The following CDCA7L variants were observed in gnomAD, a reference collection of about 807,000 sequenced individuals.
CDCA7L encodes cell division cycle-associated 7-like protein.
In CDCA7L, 44 loss-of-function variants were observed where a neutral mutation model predicts 57.4. The ratio of observed to expected loss-of-function variants is 0.77; its 90% CI spans 0.60 to 0.98. The LOEUF (loss-of-function observed/expected upper bound fraction) is 0.98, where lower values mean the gene tolerates loss of function less well. Ranked by LOEUF, CDCA7L falls within the 50% of genes least tolerant of loss-of-function variation. The probability of loss-of-function intolerance (pLI) is 0.00; values close to 1 mark genes in which losing one functional copy is unlikely to be tolerated. For synonymous variants in CDCA7L, 236 were observed against 202.8 expected (o/e 1.16, Z -1.39); for missense variants, 644 against 580.6 (o/e 1.11, Z -1.12).
At chr7:21,921,257 G>A (rs4421271) in intron 1 of CDCA7L, among the ~76,000 whole-genome samples, 148,347 of 151,334 alleles carry the variant, frequency 0.98, 72,785 homozygotes, top group East Asian at 1. Context: ...TCAAAAAAAC[G>A]GTGTGCATTC....
Position 21,900,908 on chromosome 7 carries a change from A to ACCAGAATGTTGAATGTTTAT in CDCA7L, c.*1394_*1413dup. The ACCAGAATGTTGAATGTTTAT allele has an allele frequency of 6.8e-7, 1 of 1,477,786 alleles. No homozygotes were observed. The highest frequency in any genetic ancestry group is 1.4e-5 in the African/African-American group (1 of 69,736). 91.5% of individuals were successfully genotyped at this position (1,477,786 alleles called of 1,614,324 possible). ...CACTGACAAGCAAAAATATGACAAA[A>ACCAGAATGTTGAATGTTTAT]CCAGAATGTTGAATGTTTATTGCAT... On this transcript the variant is annotated 3_prime_UTR_variant, in exon 10 of 10. Coordinates refer to ENST00000406877, the MANE Select transcript of CDCA7L (RefSeq NM_018719.5).
rs760707123 is a variant in CDCA7L, at chr7:21,908,275, A to G, written c.536T>C (p.Ile179Thr). ...TCTACAGTCTTTCTTTCTTTCAAGA[A>G]TTGTTTTTTTCTCATTCTGTAAGCG... ...SARLQNEKKTILERKKDCRQV... is the reference protein window; with the variant it reads ...SARLQNEKKTTLERKKDCRQV... The change falls in exon 4 of 10, where the codon ATT becomes ACT. Residue 179 changes from isoleucine (I) to threonine (T), a missense_variant. Coordinates refer to ENST00000406877, the MANE Select transcript of CDCA7L (RefSeq NM_018719.5). The G allele has an allele frequency of 5.0e-6, 8 of 1,613,334 alleles. No individual in the cohort carries two copies. The highest frequency in any genetic ancestry group is 6.8e-6 in the Non-Finnish European group (8 of 1,179,834).
chr7:21,906,432 A>G lies in CDCA7L; in HGVS notation c.778T>C (p.Phe260Leu), dbSNP rs898050182. Residue 260 changes from phenylalanine (F) to leucine (L), a missense_variant, in exon 6 of 10, where the codon TTC (phenylalanine) becomes CTC (leucine). By Grantham distance (22) the Phe-to-Leu change is conservative. Transcript: ENST00000406877. ...ASRKKTVRRA[F>L]SEGQITRRMN... ...CGCCGCGTGATCTGTCCCTCCGAGAAGGCCCGCCTCACTGTCTTCTTCCTC... is the reference window on the plus strand; with the variant it reads ...CGCCGCGTGATCTGTCCCTCCGAGAGGGCCCGCCTCACTGTCTTCTTCCTC... 6.2e-7 allele frequency: 1 copy of G among 1,610,254 alleles called. No individual in the cohort carries two copies. The highest frequency in any genetic ancestry group is 1.3e-5 in the African/African-American group (1 of 74,636).
intron 1 of CDCA7L, among the ~76,000 whole-genome samples, chr7:21,940,862 A>G (rs2128071231): frequency 6.6e-6 from 1 of 152,340 alleles, no homozygotes; most frequent in East Asian, 1.9e-4. Context: ...TTCTAGGCAG[A>G]CCGGATGTAA....
chr7:21,902,174 T>C lies in CDCA7L; in HGVS notation c.*148A>G. 4 of 780,048 alleles carry C rather than the reference T, an allele frequency of 5.1e-6. No individual in the cohort carries two copies. Among genetic ancestry groups the C allele is most frequent in the Admixed American group, 2.2e-5 (1 of 44,794 alleles). The allele number at this position is 780,048 out of a possible 1,614,324, so 48.3% of individuals were successfully genotyped here. ...TTCCTGAGAAATCTTTGTAAGCATA[T>C]AAACAATCTTTAACAAAAAATAGTA... On this transcript the variant is annotated 3_prime_UTR_variant, in exon 10 of 10. Transcript: ENST00000406877.
chr7:21,905,079 A>C (rs1352658979), intron 7 of CDCA7L, among the ~76,000 whole-genome samples: 1 of 152,222 alleles, frequency 6.6e-6, no homozygotes, highest in African/African-American at 2.4e-5. Flanking sequence ...AAAAAAATGC[A>C]GAACGCAAAG....
intron 2 of CDCA7L, among the ~76,000 whole-genome samples, chr7:21,915,658 A>AAC (rs55943408): frequency 0.49 from 35,905 of 73,360 alleles, 9,915 homozygotes; most frequent in Non-Finnish European, 0.57. Context: ...AAAAAAAAAA[A>AAC]ACACACACAC....
At position 21,904,118 on chromosome 7, in the gene CDCA7L, G is replaced by A; in HGVS notation, c.1189C>T (p.Leu397=). 5 of 1,599,954 alleles carry A rather than the reference G, an allele frequency of 3.1e-6. No individual in the cohort carries two copies. Among genetic ancestry groups the A allele is most frequent in the Non-Finnish European group, 4.3e-6 (5 of 1,174,100 alleles). Residue 397 remains leucine (L), a synonymous_variant, in exon 8 of 10, where the codon CTG becomes TTG. Coordinates refer to ENST00000406877, the MANE Select transcript of CDCA7L (RefSeq NM_018719.5). ...GCAAACACTGTTCCTACCGGGTCCA[G>A]CAATGCCGATCTGACATCCTCCCCA... ...RYGEDVRSAL[L]DPDWVCPPCR... is the part of the protein sequence containing the mutation.
At chr7:21,910,934 G>C (rs1785299916) in intron 3 of CDCA7L, among the ~76,000 whole-genome samples, 1 of 138,320 alleles carries the variant, frequency 7.2e-6, no homozygotes, top group Non-Finnish European at 1.5e-5. Context: ...CACACAGTAA[G>C]AAAGTATCTC....
intron 3 of CDCA7L, among the ~76,000 whole-genome samples, 199 bp downstream of exon 3, chr7:21,911,418 T>A (rs941227367): frequency 4.6e-5 from 7 of 152,160 alleles, no homozygotes; most frequent in Admixed American, 4.6e-4. Context: ...ATGAATGGAT[T>A]TTCTCTAAGA....
intron 1 of CDCA7L, among the ~76,000 whole-genome samples, chr7:21,926,618 T>C (rs965322051): frequency 6.6e-6 from 1 of 152,096 alleles, no homozygotes; most frequent in Non-Finnish European, 1.5e-5. Context: ...ATGCCTGTAA[T>C]CCAAGCATTT....
At chr7:21,940,432 A>G (rs1351830943) in intron 1 of CDCA7L, 1 of 291,408 alleles carries the variant, frequency 3.4e-6, no homozygotes, top group Non-Finnish European at 5.1e-6. Context: ...CATGCTGGAC[A>G]TCGTCTCCTA....
At chr7:21,938,407 G>A (rs1461839883) in intron 1 of CDCA7L, among the ~76,000 whole-genome samples, 2 of 152,008 alleles carry the variant, frequency 1.3e-5, no homozygotes, top group Non-Finnish European at 2.9e-5. Context: ...AACTAGGGCT[G>A]GCAAAGACGT....
intron 1 of CDCA7L, among the ~76,000 whole-genome samples, chr7:21,922,193 A>C (rs1179948013): frequency 1.3e-5 from 2 of 152,220 alleles, no homozygotes; most frequent in African/African-American, 4.8e-5. Flanking sequence ...ATCTTTCTAC[A>C]AAGCAGTCAT....
At position 21,901,566 on chromosome 7, in the gene CDCA7L, C is replaced by G. The variant is rs959454427; in HGVS notation, c.*756G>C. ...CCTGGGCAACAGAACAAGACTCCAT[C>G]TCAAAAAAAAAAAAGTACATCATAA... On this transcript the variant is annotated 3_prime_UTR_variant, in exon 10 of 10. Transcript: ENST00000406877. The G allele has an allele frequency of 1.5e-5, 3 of 194,698 alleles. No individual in the cohort carries two copies. The highest frequency in any genetic ancestry group is 3.1e-5 in the Non-Finnish European group (3 of 97,390). 12.1% of individuals were successfully genotyped at this position (194,698 alleles called of 1,614,324 possible).
rs1322440990 is a variant in CDCA7L, at chr7:21,901,425, C to G, written c.*897G>C. 1.1e-6 allele frequency: 1 copy of G among 951,542 alleles called. No individual in the cohort carries two copies. Among genetic ancestry groups the G allele is most frequent in the Non-Finnish European group, 1.4e-6 (1 of 705,558 alleles). The allele number at this position is 951,542 out of a possible 1,614,324, so 58.9% of individuals were successfully genotyped here. A position where few individuals can be genotyped will look rare whatever the true frequency, so the allele number is the denominator to read the frequency against. ...CAGAAAAAAATACTAGAAACTAACTCAGGGCTGAGCGTGGTGGCACACGAC... is the reference window on the plus strand; with the variant it reads ...CAGAAAAAAATACTAGAAACTAACTGAGGGCTGAGCGTGGTGGCACACGAC... On this transcript the variant is annotated 3_prime_UTR_variant, in exon 10 of 10. Coordinates refer to ENST00000406877, the MANE Select transcript of CDCA7L (RefSeq NM_018719.5).
intron 1 of CDCA7L, among the ~76,000 whole-genome samples, chr7:21,918,851 TA>T (rs2128062800): frequency 6.6e-6 from 1 of 152,260 alleles, no homozygotes; most frequent in East Asian, 1.9e-4. Flanking sequence ...CAAAAAACAA[TA>T]ACAACAACAA....
chr7:21,902,707 C>T, intron 9 of CDCA7L: 1 of 485,402 alleles, frequency 2.1e-6, no homozygotes. Context: ...TTTGTTTGTT[C>T]CTTCCATTTC....
chr7:21,902,501 C>T (rs1376610698), intron 9 of CDCA7L, 149 bp from the exon 10 acceptor site: 1 of 745,042 alleles, frequency 1.3e-6, no homozygotes, highest in Non-Finnish European at 2.4e-6. Flanking sequence ...GCATCAATAT[C>T]CGTATACCCT....
Sources: gnomAD v4.1 joint callset for allele counts (sites outside exome capture counted in the v4.1 genomes callset) on GRCh38, gnomAD v4.1.1 for gene constraint, MANE v1.5 for transcripts, NCBI Gene and HGNC (gene_info 2026-07-23, HGNC 2026-07-21) for gene names.